The following AHI1 variants were observed in gnomAD, a reference collection of about 807,000 sequenced individuals.
AHI1 encodes the protein jouberin.
In AHI1, 123 loss-of-function variants were observed where a neutral mutation model predicts 149.3. The observed-to-expected ratio is 0.82, with a 90% CI of 0.71 to 0.96. The LOEUF (loss-of-function observed/expected upper bound fraction) is 0.96. Among genes scored for constraint, AHI1 ranks in the 40% least tolerant of loss-of-function variants. The pLI is 0.00. For missense variants in AHI1, 1,439 were observed against 1,422.7 expected (o/e 1.01, Z -0.18); for synonymous variants, 475 against 459.8 (o/e 1.03, Z -0.42).
At chr6:135,354,169 C>G (rs1218397166) in intron 24 of AHI1, among the ~76,000 whole-genome samples, 1 of 152,026 alleles carries the variant, frequency 6.6e-6, no homozygotes, top group Non-Finnish European at 1.5e-5. Context: ...AAGCTTTGTT[C>G]TCTCTACCGG....
chr6:135,299,463 G>A (rs79562699), intron 27 of AHI1, among the ~76,000 whole-genome samples: 8,144 of 152,236 alleles, frequency 0.053, 715 homozygotes, highest in African/African-American at 0.18. Context: ...ACCCAGCAAT[G>A]TACGTGGGGG....
chr6:135,376,344 T>C (rs1775910463), intron 23 of AHI1, among the ~76,000 whole-genome samples: 3 of 152,130 alleles, frequency 2.0e-5, no homozygotes, highest in Non-Finnish European at 2.9e-5. Flanking sequence ...ATTCCACAGA[T>C]TATTCAACAA....
At chr6:135,479,658 C>T (rs1049210118) in intron 5 of AHI1, among the ~76,000 whole-genome samples, 21 of 152,006 alleles carry the variant, frequency 1.4e-4, no homozygotes, top group African/African-American at 4.4e-4. Context: ...TGTGGAATTT[C>T]GGGTTCATGT....
At chr6:135,386,258 A>G (rs1777560110) in intron 23 of AHI1, among the ~76,000 whole-genome samples, 1 of 152,042 alleles carries the variant, frequency 6.6e-6, no homozygotes, top group Non-Finnish European at 1.5e-5. Context: ...GTAAAAAAAA[A>G]AAAAGCACCT....
In AHI1 at chr6:135,490,657, T is replaced by C. The variant is rs1350937784; in HGVS notation, c.101A>G (p.Lys34Arg). Residue 34 changes from lysine (K) to arginine (R), a missense_variant, in exon 5 of 29, where the codon AAG becomes AGG. Physicochemically the swap from Lys to Arg is conservative, Grantham distance 26. Transcript: ENST00000265602. ...SDLMREKKKL[K>R]KKLVRSEENI... ...TTCTTCAGACCTGACAAGTTTTTTC[T>C]TCAGTTTTTTCTTTTCACGCATTAG... 6.2e-7 allele frequency: 1 copy of C among 1,613,570 alleles called. No homozygotes were observed.
At chr6:135,462,815 C>T (rs1206125770) in intron 8 of AHI1, among the ~76,000 whole-genome samples, 2 of 151,966 alleles carry the variant, frequency 1.3e-5, no homozygotes, top group African/African-American at 2.4e-5. Context: ...GCAGGAGAAT[C>T]GCTTTAACCC....
intron 24 of AHI1, among the ~76,000 whole-genome samples, chr6:135,355,258 C>G (rs1792771503): frequency 6.6e-6 from 1 of 151,578 alleles, no homozygotes; most frequent in Non-Finnish European, 1.5e-5. Context: ...AGGTTTGATT[C>G]TTTTTGACGA....
rs1313448971 is a variant in AHI1, at chr6:135,347,955, A to C, written c.3165+10177T>G. Among the ~76,000 whole-genome samples the C allele has an allele frequency of 2.0e-5, 3 of 152,246 alleles. No individual in the cohort carries two copies. In the South Asian group the frequency reaches 6.2e-4, roughly 31 times the overall value. On this transcript the variant is annotated intron_variant, in intron 24 of 28. Transcript: ENST00000265602. The stretch of plus-strand genomic sequence containing the variant: ...GTTTGATTTAAACTACAGAATAAGA[A>C]GGGTTTTTTCCCCCTCTACGGATTT...
At chr6:135,323,475 GGGT>G (rs1787186242) in intron 24 of AHI1, 151 bp from the exon 25 acceptor site, 1 of 669,720 alleles carries the variant, frequency 1.5e-6, no homozygotes, top group East Asian at 2.8e-5. Context: ...ATGGGATGAG[GGGT>G]GGTGGGAACA....
At chr6:135,486,302 T>C (rs899561368) in intron 5 of AHI1, among the ~76,000 whole-genome samples, 14 of 152,174 alleles carry the variant, frequency 9.2e-5, no homozygotes, top group African/African-American at 3.4e-4. Context: ...TACTGTGGAT[T>C]TAAATTTTCC....
chr6:135,290,748 G>A (rs1327306291), intron 27 of AHI1, among the ~76,000 whole-genome samples: 1 of 152,092 alleles, frequency 6.6e-6, no homozygotes, highest in Non-Finnish European at 1.5e-5. Context: ...GGCTGGTTGG[G>A]CTCCTTCTTA....
At chr6:135,439,843 T>A (rs1786003539) in intron 14 of AHI1, among the ~76,000 whole-genome samples, 1 of 152,078 alleles carries the variant, frequency 6.6e-6, no homozygotes, top group Non-Finnish European at 1.5e-5. Flanking sequence ...TTAGAACATA[T>A]ACCCTATGGA....
intron 24 of AHI1, among the ~76,000 whole-genome samples, chr6:135,342,623 A>C (rs1790548270): frequency 6.6e-6 from 1 of 151,920 alleles, no homozygotes; most frequent in African/African-American, 2.4e-5. Context: ...GACCATATTA[A>C]TAGTATTAAA....
Position 135,302,007 on chromosome 6 carries a change from T to A in AHI1, c.3427-1449A>T, listed in dbSNP as rs1322139897. Reference sequence around the variant, plus strand: ...AAATGTTTTATTCTTTTCTTTTTTTTAAGAGATTGGGTCATGCTTTGTTGC... The same window carrying A: ...AAATGTTTTATTCTTTTCTTTTTTTAAAGAGATTGGGTCATGCTTTGTTGC... On this transcript the variant is annotated intron_variant, in intron 26 of 28. Coordinates refer to ENST00000265602, the MANE Select transcript of AHI1 (RefSeq NM_001134831.2). 6.1e-6 allele frequency: 6 copies of A among 982,532 alleles called. No homozygotes were observed. In the East Asian group the frequency reaches 3.4e-4, roughly 56 times the overall value. The allele number at this position is 982,532 out of a possible 1,614,324, so 60.9% of individuals were successfully genotyped here.
At chr6:135,351,224 G>T (rs569435864) in intron 24 of AHI1, among the ~76,000 whole-genome samples, 1 of 151,546 alleles carries the variant, frequency 6.6e-6, no homozygotes, top group Non-Finnish European at 1.5e-5. Context: ...CCTTGTTCCT[G>T]ATCTCCTTGA....
At chr6:135,473,503 C>T (rs905142090) in intron 5 of AHI1, among the ~76,000 whole-genome samples, 2 of 152,066 alleles carry the variant, frequency 1.3e-5, no homozygotes, top group African/African-American at 4.8e-5. Context: ...ACTGACATAT[C>T]TAACTGTAAT....
At chr6:135,301,950 A>G (rs1167671612) in intron 26 of AHI1, 1 of 985,238 alleles carries the variant, frequency 1.0e-6, no homozygotes, top group Non-Finnish European at 1.2e-6. Flanking sequence ...CTTGTGAAAT[A>G]AATTCTAAAC....
intron 20 of AHI1, among the ~76,000 whole-genome samples, chr6:135,413,007 A>G (rs1781825474): frequency 6.6e-6 from 1 of 152,200 alleles, no homozygotes; most frequent in African/African-American, 2.4e-5. Context: ...CAGATTTTGT[A>G]ACATGAACAT....
At chr6:135,394,588 T>C in intron 23 of AHI1, 188 bp downstream of exon 23, 1 of 732,406 alleles carries the variant, frequency 1.4e-6, no homozygotes, top group Non-Finnish European at 2.2e-6. Context: ...TATCTACTGT[T>C]ACCAATTCCA....
Sources: allele counts gnomAD v4.1 joint callset (sites outside exome capture counted in the v4.1 genomes callset), GRCh38; gene constraint gnomAD v4.1.1; transcripts MANE v1.5; gene names NCBI Gene and HGNC (gene_info 2026-07-23, HGNC 2026-07-21).